AGPAT3: variants seen among roughly 807,000 people sequenced by gnomAD.
AGPAT3 encodes the protein 1-acylglycerol-3-phosphate O-acyltransferase 3, also known as 1-acyl-sn-glycerol-3-phosphate acyltransferase gamma.
A neutral mutation model predicts 47.3 loss-of-function variants in AGPAT3; 5 were observed. The observed-to-expected ratio is 0.11, with a 90% CI of 0.06 to 0.22. The LOEUF (loss-of-function observed/expected upper bound fraction) is 0.22, where lower values mean the gene tolerates loss of function less well. Ranked by LOEUF, AGPAT3 falls within the 10% of genes least tolerant of loss-of-function variation. The pLI is 1.00. For missense variants in AGPAT3, 315 were observed against 493.0 expected (o/e 0.64, Z 3.42); for synonymous variants, 212 against 208.3 (o/e 1.02, Z -0.15).
At chr21:43,873,010 C>T (rs2085655404) in intron 1 of AGPAT3, among the ~76,000 whole-genome samples, 1 of 152,216 alleles carries the variant, frequency 6.6e-6, no homozygotes, top group African/African-American at 2.4e-5. Flanking sequence ...GACGGCGAAA[C>T]TTAAAAGACT....
chr21:43,940,042 C>A (rs1004880589), intron 2 of AGPAT3, among the ~76,000 whole-genome samples: 22 of 152,236 alleles, frequency 1.4e-4, no homozygotes, highest in Non-Finnish European at 1.5e-4. Context: ...GTGCTGGCCA[C>A]GCAGGTGGCA....
chr21:43,881,688 C>T (rs972541637), intron 1 of AGPAT3, among the ~76,000 whole-genome samples: 1 of 151,914 alleles, frequency 6.6e-6, no homozygotes, highest in African/African-American at 2.4e-5. Flanking sequence ...TGGAGTTTTG[C>T]TCTGTCGCCC....
chr21:43,974,284 T>G (rs1178177137), intron 7 of AGPAT3, among the ~76,000 whole-genome samples: 1 of 152,034 alleles, frequency 6.6e-6, no homozygotes, highest in East Asian at 1.9e-4. Context: ...TGTAAAAATT[T>G]GTATAAATTA....
chr21:43,937,661 TC>T (rs1471695758), intron 2 of AGPAT3, among the ~76,000 whole-genome samples: 1 of 152,172 alleles, frequency 6.6e-6, no homozygotes, highest in African/African-American at 2.4e-5. Context: ...ACTCCTGTGT[TC>T]AGGTGATCCT....
rs1266689522 is a variant in AGPAT3 at position 43,955,079 on chromosome 21, C to T, written c.-48-4555C>T. 1 of 1,246,862 alleles carries T rather than the reference C, an allele frequency of 8.0e-7. No homozygotes were observed. The highest frequency in any genetic ancestry group is 1.3e-5 in the South Asian group (1 of 76,768). 77.2% of individuals were successfully genotyped at this position (1,246,862 alleles called of 1,614,324 possible). A position where few individuals can be genotyped will look rare whatever the true frequency, so the allele number is the denominator to read the frequency against. ...GCCCCCAAAGGCTGGGTGCCAGCTG[C>T]CTGTCGGCAGGGAGCGTATCACCGT... On this transcript the variant is annotated intron_variant, in intron 2 of 9. Coordinates refer to ENST00000291572, the MANE Select transcript of AGPAT3 (RefSeq NM_020132.5). This position sits in a 1 kb window ranked among gnomAD's most constrained non-coding sequence, Gnocchi z 4.1.
intron 2 of AGPAT3, among the ~76,000 whole-genome samples, chr21:43,918,230 T>TGTTGTGGGTGTTGCGGCGGTTGTGGGG (rs1168503706): frequency 1.3e-5 from 2 of 149,928 alleles, no homozygotes; most frequent in Non-Finnish European, 3.0e-5. Context: ...CGGTTGTGGG[T>TGTTGTGGGTGTTGCGGCGGTTGTGGGG]GTTGTGGGTG....
intron 2 of AGPAT3, among the ~76,000 whole-genome samples, chr21:43,953,129 G>A (rs193100622): frequency 6.6e-6 from 1 of 152,330 alleles, no homozygotes; most frequent in African/African-American, 2.4e-5. Context: ...CAGGGTGTGG[G>A]GCACGCCGCA....
intron 2 of AGPAT3, among the ~76,000 whole-genome samples, chr21:43,935,038 C>T (rs1404018033): frequency 6.6e-6 from 1 of 151,980 alleles, no homozygotes; most frequent in African/African-American, 2.4e-5. Flanking sequence ...CCACCACCCA[C>T]GCCACCCACA....
At chr21:43,867,038 C>T (rs2085523639) in intron 1 of AGPAT3, 1 of 152,298 alleles carries the variant, frequency 6.6e-6, no homozygotes, top group Non-Finnish European at 1.5e-5. Context: ...GGACGCGCGT[C>T]TGTGTGCCAG....
intron 2 of AGPAT3, among the ~76,000 whole-genome samples, chr21:43,911,117 C>T (rs1433043464): frequency 6.6e-6 from 1 of 152,214 alleles, no homozygotes; most frequent in Non-Finnish European, 1.5e-5. Context: ...TCCAAAAATG[C>T]ACCTACGTGT....
intron 2 of AGPAT3, among the ~76,000 whole-genome samples, chr21:43,929,643 AGTGT>A (rs2087174929): frequency 6.6e-6 from 1 of 152,194 alleles, no homozygotes; most frequent in South Asian, 2.1e-4. Context: ...TGCCAGAGCC[AGTGT>A]GTGTGGCAGG....
chr21:43,878,010 G>A (rs1013453362), intron 1 of AGPAT3, among the ~76,000 whole-genome samples: 3 of 151,906 alleles, frequency 2.0e-5, no homozygotes, highest in Admixed American at 6.6e-5. Flanking sequence ...GTGGTCTTGC[G>A]TGGGGTCGCT....
intron 1 of AGPAT3, among the ~76,000 whole-genome samples, chr21:43,894,033 T>C (rs2086159033): frequency 6.6e-6 from 1 of 152,138 alleles, no homozygotes; most frequent in South Asian, 2.1e-4. Context: ...AAAAACTCAG[T>C]ATCTGGAAGT....
chr21:43,956,380 A>G (rs1335986843), intron 2 of AGPAT3, among the ~76,000 whole-genome samples: 2 of 152,286 alleles, frequency 1.3e-5, no homozygotes, highest in Middle Eastern at 3.4e-3. Context: ...CATATGATGC[A>G]CGAAGCCTCT....
chr21:43,977,527 CTG>C (rs35088503), intron 7 of AGPAT3, among the ~76,000 whole-genome samples: 1,534 of 152,320 alleles, frequency 0.01, 29 homozygotes, highest in African/African-American at 0.035. Context: ...GCCACGCTGA[CTG>C]TGTACTCAGG....
At chr21:43,936,596 A>T (rs2087456034) in intron 2 of AGPAT3, among the ~76,000 whole-genome samples, 1 of 152,252 alleles carries the variant, frequency 6.6e-6, no homozygotes, top group African/African-American at 2.4e-5. Flanking sequence ...CTGCTCGTGA[A>T]TGAGCTCTGC....
chr21:43,942,316 C>T (rs1003646893), intron 2 of AGPAT3, among the ~76,000 whole-genome samples: 1 of 152,200 alleles, frequency 6.6e-6, no homozygotes, highest in Non-Finnish European at 1.5e-5. Context: ...GATGGCACCA[C>T]GGGTCCAGGG....
chr21:43,945,884 AGAACTCATCCC>A (rs2087862988), intron 2 of AGPAT3, among the ~76,000 whole-genome samples: 2 of 152,176 alleles, frequency 1.3e-5, no homozygotes, highest in African/African-American at 2.4e-5. Flanking sequence ...TGGCTTTGTC[AGAACTCATCCC>A]CAGGCAGCCC....
rs148852758 is a variant in AGPAT3 at position 43,985,060 on chromosome 21, G to A, written c.*2668G>A. On this transcript the variant is annotated 3_prime_UTR_variant, in exon 10 of 10. Coordinates refer to ENST00000291572, the MANE Select transcript of AGPAT3 (RefSeq NM_020132.5). ...GGCGCCACACTGGAGGCTCCCAGGC[G>A]GGAGGGCCCAGGCCCACCCACGGGC... 4.5e-3 allele frequency: 2,050 copies of A among 453,516 alleles called. 10 individuals are homozygous for A. Among genetic ancestry groups the A allele is most frequent in the South Asian group, 7.5e-3 (481 of 64,410 alleles). The allele number at this position is 453,516 out of a possible 1,614,324, so 28.1% of individuals were successfully genotyped here.
Sources: allele counts gnomAD v4.1 joint callset (sites outside exome capture counted in the v4.1 genomes callset), GRCh38; gene constraint gnomAD v4.1.1; non-coding constraint Gnocchi (gnomAD v3.1); transcripts MANE v1.5; gene names NCBI Gene and HGNC (gene_info 2026-07-23, HGNC 2026-07-21).